Variants in ABLIM1 observed in about 807,000 individuals in gnomAD.
The protein encoded by ABLIM1 is actin-binding LIM protein 1.
In ABLIM1, 40 loss-of-function variants were observed where a neutral mutation model predicts 107.0. That is an observed-to-expected ratio of 0.37 (90% CI 0.29 to 0.49). The LOEUF (loss-of-function observed/expected upper bound fraction) is 0.49. ABLIM1 is among the 20% of genes least tolerant of loss of function. The pLI is 0.97. For synonymous variants in ABLIM1, 357 were observed against 357.3 expected (o/e 1.00, Z 0.01); for missense variants, 857 against 1,008.5 (o/e 0.85, Z 2.04).
chr10:114,472,969 T>A lies in ABLIM1; in HGVS notation c.1275+8A>T, dbSNP rs1360244666. Reference sequence around the variant, plus strand: ...TTGTACAACTCACAACCAGTAGGAATGTATTACCTCTCCAAGGCTCTGTCT... The same window carrying A: ...TTGTACAACTCACAACCAGTAGGAAAGTATTACCTCTCCAAGGCTCTGTCT... On this transcript the variant is annotated splice_region_variant and intron_variant, in intron 10 of 22. Coordinates refer to ENST00000533213, the MANE Select transcript of ABLIM1 (RefSeq NM_002313.7). 10 of 1,557,390 alleles carry A rather than the reference T, an allele frequency of 6.4e-6. No individual in the cohort carries two copies. The highest frequency in any genetic ancestry group is 1.9e-5 in the Admixed American group (1 of 52,692).
chr10:114,587,595 C>A (rs963832761), intron 2 of ABLIM1, among the ~76,000 whole-genome samples: 1 of 152,110 alleles, frequency 6.6e-6, no homozygotes, highest in Non-Finnish European at 1.5e-5. Context: ...AGGAGCATCA[C>A]GGTTCCATTT....
At position 114,656,866 on chromosome 10, in the gene ABLIM1, T is replaced by C. The variant is rs370334086; in HGVS notation, c.244+1091A>G. 5.9e-5 allele frequency among the ~76,000 whole-genome samples: 9 copies of C among 152,080 alleles called. No individual in the cohort carries two copies. In the East Asian group the frequency reaches 1.3e-3, roughly 23 times the overall value. On this transcript the variant is annotated intron_variant, in intron 1 of 22. Transcript: ENST00000533213. ...TTCCATTCACATGAAATATCCAGAA[T>C]AGGGAAATCTAAGAGGCAGAAAGTA...
intron 1 of ABLIM1, among the ~76,000 whole-genome samples, chr10:114,635,899 G>T (rs973700203): frequency 1.3e-5 from 2 of 152,180 alleles, no homozygotes; most frequent in African/African-American, 4.8e-5. Flanking sequence ...TGGAGAATGA[G>T]TTCCTATTTG....
At chr10:114,681,749 C>A (rs2080759834) in intron 1 of ABLIM1, among the ~76,000 whole-genome samples, 1 of 152,200 alleles carries the variant, frequency 6.6e-6, no homozygotes, top group African/African-American at 2.4e-5. Flanking sequence ...GCCTGGGGAG[C>A]CTATGACTCA....
At chr10:114,679,931 C>G (rs542298954) in intron 1 of ABLIM1, among the ~76,000 whole-genome samples, 1 of 152,146 alleles carries the variant, frequency 6.6e-6, no homozygotes, top group South Asian at 2.1e-4. Context: ...GTTGTTATCC[C>G]CTAATTTTGG....
At chr10:114,777,810 T>C in the ABLIM1 span, 1 of 152,304 alleles carries the variant, frequency 6.6e-6, no homozygotes, top group Non-Finnish European at 1.5e-5. Flanking sequence ...GGCCAGAGAT[T>C]GTCAGCTCCC....
chr10:114,451,523 A>T, intron 14 of ABLIM1, 101 bp downstream of exon 14: 1 of 1,096,498 alleles, frequency 9.1e-7, no homozygotes, highest in African/African-American at 1.5e-5. Context: ...CCCCAGTTTT[A>T]CTCTCAAAAG....
At chr10:114,744,775 A>G (rs1439395713) in intron 1 of ABLIM1, among the ~76,000 whole-genome samples, 1 of 152,172 alleles carries the variant, frequency 6.6e-6, no homozygotes, top group Non-Finnish European at 1.5e-5. Flanking sequence ...GGGTAGCATC[A>G]TTCTTTTAGA....
At chr10:114,710,005 T>C (rs568179626) in intron 1 of ABLIM1, among the ~76,000 whole-genome samples, 12 of 152,306 alleles carry the variant, frequency 7.9e-5, no homozygotes, top group Admixed American at 7.2e-4. Context: ...ACTCCCACCA[T>C]GTGCACACAT....
chr10:114,666,242 G>T (rs1171088127), intron 1 of ABLIM1, among the ~76,000 whole-genome samples: 1 of 151,940 alleles, frequency 6.6e-6, no homozygotes, highest in Non-Finnish European at 1.5e-5. Context: ...GAAAATTCTG[G>T]ATTTCATATA....
At chr10:114,645,726 C>T (rs1042087998) in intron 1 of ABLIM1, among the ~76,000 whole-genome samples, 1 of 152,160 alleles carries the variant, frequency 6.6e-6, no homozygotes, top group Non-Finnish European at 1.5e-5. Context: ...CGCCAAAGTA[C>T]TTCTTCCTTT....
upstream of ABLIM1, among the ~76,000 whole-genome samples, chr10:114,688,004 G>C (rs2141668629): frequency 6.6e-6 from 1 of 152,158 alleles, no homozygotes; most frequent in African/African-American, 2.4e-5. Context: ...TTGGAGAGCA[G>C]TTTCCAGAAC....
chr10:114,446,060 C>T (rs1042106138), intron 15 of ABLIM1, among the ~76,000 whole-genome samples: 33 of 152,364 alleles, frequency 2.2e-4, no homozygotes, highest in Non-Finnish European at 3.7e-4. Context: ...GCGTGAGCCA[C>T]CACGCCCAGC....
chr10:114,730,308 G>A (rs1049350327), intron 1 of ABLIM1, among the ~76,000 whole-genome samples: 1 of 145,910 alleles, frequency 6.9e-6, no homozygotes, highest in African/African-American at 2.6e-5. Flanking sequence ...TGAGGCAGAA[G>A]AATCGCTTGA....
intron 4 of ABLIM1, among the ~76,000 whole-genome samples, chr10:114,565,609 C>T (rs1040221309): frequency 6.6e-6 from 1 of 151,928 alleles, no homozygotes; most frequent in African/African-American, 2.4e-5. Context: ...TCCTACGCTC[C>T]CTTGGCAGAC....
chr10:114,432,119 G>A lies in ABLIM1; in HGVS notation c.*4141C>T, dbSNP rs762166949. The A allele has an allele frequency of 3.0e-4, 45 of 152,194 alleles. No homozygotes were observed. The highest frequency in any genetic ancestry group is 1.1e-3 in the African/African-American group (45 of 41,440). The allele number at this position is 152,194 out of a possible 1,614,324, so 9.4% of individuals were successfully genotyped here. A position where few individuals can be genotyped will look rare whatever the true frequency, so the allele number is the denominator to read the frequency against. ...CCCAAATAATCTCTTTTTCTGGATAGAAAGTTATTCAAAAGGGAGCACAAA... is the reference window on the plus strand; with the variant it reads ...CCCAAATAATCTCTTTTTCTGGATAAAAAGTTATTCAAAAGGGAGCACAAA... On this transcript the variant is annotated 3_prime_UTR_variant, in exon 23 of 23. Transcript: ENST00000533213.
At chr10:114,744,967 C>T (rs1431431271) in intron 1 of ABLIM1, among the ~76,000 whole-genome samples, 2 of 152,096 alleles carry the variant, frequency 1.3e-5, no homozygotes, top group Non-Finnish European at 2.9e-5. Context: ...ATTTGCACTC[C>T]AAAACCTGTT....
intron 4 of ABLIM1, among the ~76,000 whole-genome samples, chr10:114,559,332 G>A (rs973237273): frequency 2.7e-5 from 4 of 149,476 alleles, no homozygotes. Context: ...GTCGGGTGTG[G>A]TGGCACATGC....
At chr10:114,477,001 C>T (rs1362219521) in intron 8 of ABLIM1, among the ~76,000 whole-genome samples, 2 of 151,878 alleles carry the variant, frequency 1.3e-5, no homozygotes, top group Non-Finnish European at 2.9e-5. Context: ...CTCGGTAACC[C>T]TAGGAGGTAG....
Sources: allele counts gnomAD v4.1 joint callset (sites outside exome capture counted in the v4.1 genomes callset), GRCh38; gene constraint gnomAD v4.1.1; transcripts MANE v1.5; gene names NCBI Gene and HGNC (gene_info 2026-07-23, HGNC 2026-07-21).